HECW1: variants seen among roughly 807,000 people sequenced by gnomAD.
HECW1 encodes the protein HECT, C2 and WW domain containing E3 ubiquitin protein ligase 1.
In HECW1, 61 loss-of-function variants were observed where a neutral mutation model predicts 182.3. That is an observed-to-expected ratio of 0.33 (90% CI 0.27 to 0.41). HECW1 has a LOEUF of 0.41. Ranked by LOEUF, HECW1 falls within the 10% of genes least tolerant of loss-of-function variation. The pLI, the probability that HECW1 is intolerant of heterozygous loss-of-function variation, is 1.00. For synonymous variants in HECW1, 859 were observed against 832.6 expected (o/e 1.03, Z -0.55); for missense variants, 1,739 against 2,108.9 (o/e 0.82, Z 3.44).
intron 4 of HECW1, among the ~76,000 whole-genome samples, chr7:43,319,470 T>A (rs6975708): frequency 0.15 from 21,590 of 147,994 alleles, 5,328 homozygotes; most frequent in African/African-American, 0.51. Flanking sequence ...GAAAGCACAC[T>A]GTCACCCAGA....
intron 29 of HECW1, among the ~76,000 whole-genome samples, chr7:43,556,037 C>T (rs959057093): frequency 9.2e-5 from 14 of 152,166 alleles, no homozygotes; most frequent in Non-Finnish European, 1.8e-4. Context: ...CACACCTGCC[C>T]GTGGGAACCT....
At chr7:43,247,731 A>AAAGG (rs200722132) in intron 3 of HECW1, among the ~76,000 whole-genome samples, 5,055 of 124,242 alleles carry the variant, frequency 0.041, 467 homozygotes, top group African/African-American at 0.14. Flanking sequence ...AGGAAGGAAG[A>AAAGG]AAGGAAGGAA....
intron 16 of HECW1, among the ~76,000 whole-genome samples, chr7:43,478,681 G>A (rs2078309435): frequency 6.6e-6 from 1 of 151,444 alleles, no homozygotes; most frequent in Admixed American, 6.6e-5. Flanking sequence ...AAACTAAGGA[G>A]GAAAAAATCA....
chr7:43,136,081 C>A (rs1484238365), intron 2 of HECW1, among the ~76,000 whole-genome samples: 1 of 139,402 alleles, frequency 7.2e-6, no homozygotes, highest in South Asian at 2.3e-4. Context: ...TTTTTTTTTT[C>A]TCAGTTTATT....
chr7:43,123,826 GA>G (rs1374508013), intron 2 of HECW1, among the ~76,000 whole-genome samples: 5 of 152,212 alleles, frequency 3.3e-5, no homozygotes, highest in African/African-American at 1.2e-4. Context: ...GTGGAGGCTG[GA>G]AGACCAGGCC....
intron 3 of HECW1, among the ~76,000 whole-genome samples, chr7:43,310,757 G>C (rs1400973100): frequency 6.6e-6 from 1 of 152,220 alleles, no homozygotes; most frequent in African/African-American, 2.4e-5. Context: ...ATTTGCATTT[G>C]ATTAGGTGCA....
At chr7:43,220,740 G>C (rs1192391090) in intron 2 of HECW1, among the ~76,000 whole-genome samples, 1 of 152,186 alleles carries the variant, frequency 6.6e-6, no homozygotes, top group South Asian at 2.1e-4. Flanking sequence ...ACGTGTTGGT[G>C]CCTGGGCCTG....
intron 24 of HECW1, among the ~76,000 whole-genome samples, chr7:43,520,706 T>A (rs1169667269): frequency 6.6e-6 from 1 of 152,172 alleles, no homozygotes; most frequent in Non-Finnish European, 1.5e-5. Flanking sequence ...AACCTTGTTC[T>A]CCAATCTAGA....
chr7:43,338,356 AG>A (rs1241617698), intron 5 of HECW1, among the ~76,000 whole-genome samples: 1 of 152,078 alleles, frequency 6.6e-6, no homozygotes, highest in African/African-American at 2.4e-5. Context: ...ATCCCTCACC[AG>A]GGATTTTTTA....
chr7:43,340,251 C>T (rs1431567163), intron 5 of HECW1, among the ~76,000 whole-genome samples: 8 of 115,320 alleles, frequency 6.9e-5, no homozygotes, highest in African/African-American at 2.1e-4. Flanking sequence ...GACGGAGTAT[C>T]GCTCTGTCGC....
At chr7:43,133,016 G>A (rs1240415944) in intron 2 of HECW1, among the ~76,000 whole-genome samples, 1 of 152,090 alleles carries the variant, frequency 6.6e-6, no homozygotes, top group African/African-American at 2.4e-5. Context: ...TTTTGTTGGT[G>A]TTTTAATCAT....
intron 3 of HECW1, among the ~76,000 whole-genome samples, chr7:43,248,125 G>C (rs557508286): frequency 2.6e-5 from 4 of 151,824 alleles, no homozygotes; most frequent in Non-Finnish European, 4.4e-5. Context: ...GAGAGGAGGA[G>C]AGGTGAGGAG....
chr7:43,266,613 C>A (rs1198297538), intron 3 of HECW1, among the ~76,000 whole-genome samples: 1 of 152,304 alleles, frequency 6.6e-6, no homozygotes, highest in African/African-American at 2.4e-5. Context: ...GGATTACAGG[C>A]GTGAGCCACC....
intron 3 of HECW1, among the ~76,000 whole-genome samples, chr7:43,298,044 GC>G (rs1246335855): frequency 1.3e-5 from 2 of 152,186 alleles, no homozygotes; most frequent in Non-Finnish European, 2.9e-5. Context: ...CTGAACTCCA[GC>G]CAGGGTGACA....
At chr7:43,351,875 C>T (rs1814518152) in intron 5 of HECW1, among the ~76,000 whole-genome samples, 1 of 152,070 alleles carries the variant, frequency 6.6e-6, no homozygotes, top group Admixed American at 6.5e-5. Context: ...AATTTCAAGG[C>T]TTGAGATGAT....
At position 43,445,224 on chromosome 7, in the gene HECW1, C is replaced by G. The variant is rs147766038; in HGVS notation, c.2052C>G (p.Ser684Arg). The change falls in exon 11 of 30, where the codon AGC (serine) becomes AGG (arginine). Residue 684 changes from serine (S) to arginine (R), a missense_variant. Coordinates refer to ENST00000395891, the MANE Select transcript of HECW1 (RefSeq NM_015052.5). ...DASCCSPSCY[S>R]SSCYSTSCYS... ...CCTGCTGCAGCCCCTCGTGCTACAG[C>G]TCCTCGTGCTACAGCACGTCCTGCT... 1 of 1,613,180 alleles carries G rather than the reference C, an allele frequency of 6.2e-7. No individual in the cohort carries two copies. Among genetic ancestry groups the G allele is most frequent in the African/African-American group, 1.3e-5 (1 of 75,046 alleles).
At chr7:43,169,042 G>C (rs762452990) in intron 2 of HECW1, among the ~76,000 whole-genome samples, 92 of 152,176 alleles carry the variant, frequency 6.0e-4, no homozygotes, top group Non-Finnish European at 1.1e-3. Flanking sequence ...GTTTTACCAG[G>C]AGAATATGTT....
At chr7:43,534,281 C>T (rs996619826) in intron 24 of HECW1, among the ~76,000 whole-genome samples, 4 of 152,156 alleles carry the variant, frequency 2.6e-5, no homozygotes, top group Admixed American at 2.6e-4. Flanking sequence ...TAAGAGATTC[C>T]TCTTGCAGAC....
chr7:43,430,020 C>T (rs553547233), intron 8 of HECW1, among the ~76,000 whole-genome samples: 4 of 152,346 alleles, frequency 2.6e-5, no homozygotes, highest in Non-Finnish European at 5.9e-5. Flanking sequence ...CCCCTTCAAA[C>T]TTAACACAAC....
Sources: gnomAD v4.1 joint callset for allele counts (sites outside exome capture counted in the v4.1 genomes callset) on GRCh38, gnomAD v4.1.1 for gene constraint, MANE v1.5 for transcripts, NCBI Gene and HGNC (gene_info 2026-07-23, HGNC 2026-07-21) for gene names.